Variants in SLC7A14 observed in about 807,000 individuals in gnomAD.
SLC7A14 encodes the protein solute carrier family 7 member 14, also known as gamma-aminobutyric acid transporter SLC7A14.
In SLC7A14, 37 loss-of-function variants were observed where a neutral mutation model predicts 60.2. The ratio of observed to expected loss-of-function variants is 0.61; its 90% CI spans 0.47 to 0.81. The LOEUF is 0.81. Ranked by LOEUF, SLC7A14 falls within the 30% of genes least tolerant of loss-of-function variation. The pLI is 0.00. For missense variants in SLC7A14, 886 were observed against 982.7 expected (o/e 0.90, Z 1.32); for synonymous variants, 399 against 395.8 (o/e 1.01, Z -0.10).
rs888477955 is a variant in SLC7A14 at position 170,535,522 on chromosome 3, G to A, written c.-152-8434C>T. On this transcript the variant is annotated intron_variant, in intron 1 of 7. Coordinates refer to ENST00000231706, the MANE Select transcript of SLC7A14 (RefSeq NM_020949.3). This position sits in a 1 kb window ranked among gnomAD's most constrained non-coding sequence, Gnocchi z 4.3. ...GGCACAAGGCAGCTTCAGGGAGTGC[G>A]AGTGTCCTTTGCTTGTCCTTCCAGA... is the stretch of plus-strand genomic sequence containing the variant. Among the ~76,000 whole-genome samples the A allele has an allele frequency of 6.6e-6, 1 of 152,180 alleles. No individual in the cohort carries two copies.
intron 2 of SLC7A14, among the ~76,000 whole-genome samples, chr3:170,504,793 G>A (rs1017350859): frequency 1.3e-5 from 2 of 152,130 alleles, no homozygotes; most frequent in African/African-American, 4.8e-5. Flanking sequence ...TCTAGTTAGT[G>A]AGGGAAGCCC....
chr3:170,514,820 T>C (rs1428271564), intron 2 of SLC7A14, among the ~76,000 whole-genome samples: 1 of 152,216 alleles, frequency 6.6e-6, no homozygotes, highest in Non-Finnish European at 1.5e-5. Flanking sequence ...CTCTTGGTAG[T>C]GGTGATAATA....
intron 7 of SLC7A14, among the ~76,000 whole-genome samples, chr3:170,472,703 C>G (rs1739951260): frequency 6.7e-6 from 1 of 148,948 alleles, no homozygotes; most frequent in Non-Finnish European, 1.5e-5. Flanking sequence ...GGAGGCAGAG[C>G]TTGCATTGAG....
At position 170,507,590 on chromosome 3, in the gene SLC7A14, C is replaced by T. The variant is rs188720640; in HGVS notation, c.305-6245G>A. Among the ~76,000 whole-genome samples the T allele has an allele frequency of 5.3e-5, 8 of 152,212 alleles. No individual in the cohort carries two copies. In the East Asian group the frequency reaches 1.5e-3, roughly 29 times the overall value. On this transcript the variant is annotated intron_variant, in intron 2 of 7. Transcript: ENST00000231706. ...GCGAAAAGGTGTAGCTGGGCAGACA[C>T]ATGCAGGCTACTTTCGAGATTGTGG...
chr3:170,549,642 T>C (rs961995691), intron 1 of SLC7A14, among the ~76,000 whole-genome samples: 1 of 152,162 alleles, frequency 6.6e-6, no homozygotes, highest in Non-Finnish European at 1.5e-5. Flanking sequence ...AAATTAAAAA[T>C]GCTAACAGTT....
At chr3:170,526,380 C>T (rs543118437) in intron 2 of SLC7A14, among the ~76,000 whole-genome samples, 11 of 149,152 alleles carry the variant, frequency 7.4e-5, no homozygotes, top group South Asian at 2.1e-4. Flanking sequence ...CCAGCCTGGG[C>T]GACAGAGCAA....
At chr3:170,537,679 C>T (rs1210989344) in intron 1 of SLC7A14, among the ~76,000 whole-genome samples, 1 of 152,184 alleles carries the variant, frequency 6.6e-6, no homozygotes, top group Non-Finnish European at 1.5e-5. Context: ...TATTGTCTGT[C>T]AAGAATACTC....
At chr3:170,564,743 A>G (rs887337360) in intron 1 of SLC7A14, among the ~76,000 whole-genome samples, 21 of 152,202 alleles carry the variant, frequency 1.4e-4, no homozygotes, top group African/African-American at 4.3e-4. Context: ...GTGTTAATGT[A>G]TATGAAATGC....
chr3:170,478,357 C>A (rs961052556), intron 7 of SLC7A14, among the ~76,000 whole-genome samples: 5 of 152,170 alleles, frequency 3.3e-5, no homozygotes, highest in African/African-American at 1.2e-4. Flanking sequence ...GGATTATAGA[C>A]GTGAGCCACT....
chr3:170,551,978 GT>G (rs1347554462), intron 1 of SLC7A14, among the ~76,000 whole-genome samples: 1 of 152,006 alleles, frequency 6.6e-6, no homozygotes, highest in East Asian at 1.9e-4. Context: ...TCTAAAAAAC[GT>G]ATTGCCTAAT....
chr3:170,583,823 A>G (rs1715302453), intron 1 of SLC7A14, among the ~76,000 whole-genome samples: 3 of 152,224 alleles, frequency 2.0e-5, no homozygotes, highest in Admixed American at 1.3e-4. Context: ...AGCATGCAAA[A>G]GCAGTTGGGA....
intron 1 of SLC7A14, among the ~76,000 whole-genome samples, chr3:170,542,902 A>T (rs1714064280): frequency 6.6e-6 from 1 of 152,168 alleles, no homozygotes; most frequent in South Asian, 2.1e-4. Context: ...TATGCAGAGG[A>T]CAGTGTGAGT....
rs371708700 is a variant in SLC7A14, at chr3:170,571,514, C to T, written c.-153+14397G>A. Among the ~76,000 whole-genome samples the T allele has an allele frequency of 2.6e-3, 402 of 152,274 alleles. 3 individuals carry two copies. The highest frequency in any genetic ancestry group is 9.1e-3 in the African/African-American group (380 of 41,560). ...ACTTCACTGATGAAGAAAACTAAAA[C>T]CAAAACAATAAATCTTGAACATAAT... On this transcript the variant is annotated intron_variant, in intron 1 of 7. Coordinates refer to ENST00000231706, the MANE Select transcript of SLC7A14 (RefSeq NM_020949.3).
intron 1 of SLC7A14, among the ~76,000 whole-genome samples, chr3:170,566,062 C>A (rs1307057613): frequency 6.6e-6 from 1 of 152,042 alleles, no homozygotes; most frequent in African/African-American, 2.4e-5. Context: ...TGTGGTTGCC[C>A]TTCTGTCTTA....
chr3:170,474,769 T>G (rs1406960762), intron 7 of SLC7A14, among the ~76,000 whole-genome samples: 1 of 152,226 alleles, frequency 6.6e-6, no homozygotes, highest in African/African-American at 2.4e-5. Flanking sequence ...TATTTTGAGA[T>G]AGGATTCATG....
chr3:170,504,329 T>A (rs193256755), intron 2 of SLC7A14, among the ~76,000 whole-genome samples: 1,768 of 152,194 alleles, frequency 0.012, 18 homozygotes, highest in African/African-American at 0.023. Context: ...TAATTTTTTT[T>A]AAATTTTTTT....
intron 4 of SLC7A14, among the ~76,000 whole-genome samples, chr3:170,492,799 G>A (rs1052339646): frequency 9.2e-5 from 14 of 152,174 alleles, no homozygotes; most frequent in African/African-American, 3.4e-4. Context: ...TTCTGCCTCA[G>A]CCAGTCTGCC....
chr3:170,541,997 C>T (rs6767450), intron 1 of SLC7A14, among the ~76,000 whole-genome samples: 120,933 of 152,192 alleles, frequency 0.79, 48,675 homozygotes, highest in African/African-American at 0.94. Context: ...ATCTCCGTTA[C>T]GGTGAACTGT....
rs1207097020 is a variant in SLC7A14 at position 170,462,301 on chromosome 3, T to A, written c.*4754A>T. 2 of 152,202 alleles carry A rather than the reference T, an allele frequency of 1.3e-5. No homozygotes were observed. Among genetic ancestry groups the A allele is most frequent in the African/African-American group, 4.8e-5 (2 of 41,452 alleles). The allele number at this position is 152,202 out of a possible 1,614,324, so 9.4% of individuals were successfully genotyped here. On this transcript the variant is annotated 3_prime_UTR_variant, in exon 8 of 8. Coordinates refer to ENST00000231706, the MANE Select transcript of SLC7A14 (RefSeq NM_020949.3). The stretch of plus-strand genomic sequence containing the variant: ...AGAGGTGGTTTCTTGTAAGGTAGAC[T>A]TCCAACAAATGTTGGATGTCTAACA...
Sources: allele counts gnomAD v4.1 joint callset (sites outside exome capture counted in the v4.1 genomes callset), GRCh38; gene constraint gnomAD v4.1.1; non-coding constraint Gnocchi (gnomAD v3.1); transcripts MANE v1.5; gene names NCBI Gene and HGNC (gene_info 2026-07-23, HGNC 2026-07-21).